The following LOC128462377 variants were observed in gnomAD, a reference collection of about 807,000 sequenced individuals.
At chr16:89,329,171 A>G in the LOC128462377 span, among the ~76,000 whole-genome samples, 1 of 152,210 alleles carries the variant, frequency 6.6e-6, no homozygotes, top group South Asian at 2.1e-4. Flanking sequence ...ACCTCGGGGA[A>G]ACAGGCGGGG....
the LOC128462377 span, among the ~76,000 whole-genome samples, chr16:89,357,840 T>C: frequency 2.6e-5 from 4 of 152,322 alleles, no homozygotes; most frequent in African/African-American, 9.6e-5. Context: ...CTGCTGAAGG[T>C]ACTGGAAGCC....
At chr16:89,345,824 C>T in the LOC128462377 span, among the ~76,000 whole-genome samples, 3 of 152,250 alleles carry the variant, frequency 2.0e-5, no homozygotes, top group South Asian at 2.1e-4. Context: ...TAGGTACAGA[C>T]TTGAGGCCAG....
At chr16:89,347,645 G>A in the LOC128462377 span, among the ~76,000 whole-genome samples, 1 of 150,544 alleles carries the variant, frequency 6.6e-6, no homozygotes, top group East Asian at 2.0e-4. Flanking sequence ...TCCAGGTTGT[G>A]AAAATGTGAC....
chr16:89,414,479 CT>C, the LOC128462377 span, among the ~76,000 whole-genome samples: 1 of 152,190 alleles, frequency 6.6e-6, no homozygotes, highest in Non-Finnish European at 1.5e-5. Context: ...AAGATGTCAG[CT>C]TCAACTACTT....
At chr16:89,393,765 C>T in the LOC128462377 span, among the ~76,000 whole-genome samples, 1 of 152,104 alleles carries the variant, frequency 6.6e-6, no homozygotes, top group Non-Finnish European at 1.5e-5. Context: ...GCCCTTCATT[C>T]TGGAATCTGG....
chr16:89,351,197 G>T, the LOC128462377 span, among the ~76,000 whole-genome samples: 1 of 152,250 alleles, frequency 6.6e-6, no homozygotes, highest in African/African-American at 2.4e-5. Flanking sequence ...AGAGGCGGCG[G>T]CGGCAGCTGG....
chr16:89,414,062 C>T, the LOC128462377 span, among the ~76,000 whole-genome samples: 5 of 152,320 alleles, frequency 3.3e-5, no homozygotes, highest in Admixed American at 3.3e-4. Context: ...GCACACCCTC[C>T]AGGATGCCAC....
chr16:89,398,314 A>G, the LOC128462377 span, among the ~76,000 whole-genome samples: 860 of 137,372 alleles, frequency 6.3e-3, 5 homozygotes, highest in African/African-American at 0.025. Flanking sequence ...CATGAGGGAC[A>G]CTGTGAAACA....
chr16:89,410,722 T>C, the LOC128462377 span, among the ~76,000 whole-genome samples: 1 of 152,262 alleles, frequency 6.6e-6, no homozygotes, highest in Non-Finnish European at 1.5e-5. Context: ...CCAAAAGCTA[T>C]GAAAGCATCC....
At chr16:89,407,147 T>G in the LOC128462377 span, among the ~76,000 whole-genome samples, 7 of 151,564 alleles carry the variant, frequency 4.6e-5, no homozygotes, top group East Asian at 1.4e-3. Context: ...GACGTGCCAC[T>G]GCACTCCAGC....
the LOC128462377 span, among the ~76,000 whole-genome samples, chr16:89,386,901 C>G: frequency 2.8e-4 from 43 of 152,258 alleles, no homozygotes; most frequent in African/African-American, 9.6e-4. Flanking sequence ...GCAAGAGACC[C>G]TGCCCCAGCT....
the LOC128462377 span, among the ~76,000 whole-genome samples, chr16:89,367,910 G>A: frequency 2.0e-5 from 3 of 152,240 alleles, no homozygotes; most frequent in Non-Finnish European, 4.4e-5. Flanking sequence ...AGGCTGAGGT[G>A]GGAGGATCAC....
At chr16:89,416,448 G>C in the LOC128462377 span, among the ~76,000 whole-genome samples, 1 of 151,986 alleles carries the variant, frequency 6.6e-6, no homozygotes, top group Non-Finnish European at 1.5e-5. Context: ...ACAGGCATTC[G>C]CCACCACGTC....
chr16:89,326,011 G>T, the LOC128462377 span, among the ~76,000 whole-genome samples: 2 of 152,232 alleles, frequency 1.3e-5, no homozygotes, highest in Non-Finnish European at 1.5e-5. Context: ...GCAACAGGGA[G>T]CTTGGAGCCT....
At chr16:89,367,311 C>A in the LOC128462377 span, among the ~76,000 whole-genome samples, 1 of 152,254 alleles carries the variant, frequency 6.6e-6, no homozygotes, top group Admixed American at 6.5e-5. Flanking sequence ...CCCAGCAGTA[C>A]CGGGAGCCCC....
the LOC128462377 span, among the ~76,000 whole-genome samples, chr16:89,334,539 A>G: frequency 1.3e-5 from 2 of 152,102 alleles, no homozygotes; most frequent in Non-Finnish European, 2.9e-5. Flanking sequence ...CACCCCACCC[A>G]TGTGGGCAGT....
the LOC128462377 span, among the ~76,000 whole-genome samples, chr16:89,331,717 T>C: frequency 6.6e-6 from 1 of 152,094 alleles, no homozygotes; most frequent in Non-Finnish European, 1.5e-5. Flanking sequence ...AACTCCTGGG[T>C]TCAAGGGATC....
chr16:89,326,940 G>C, the LOC128462377 span, among the ~76,000 whole-genome samples: 1 of 152,170 alleles, frequency 6.6e-6, no homozygotes, highest in East Asian at 1.9e-4. Context: ...CGACCAGGCG[G>C]AGACGCAGAG....
the LOC128462377 span, among the ~76,000 whole-genome samples, chr16:89,391,896 C>A: frequency 6.6e-6 from 1 of 152,256 alleles, no homozygotes; most frequent in Non-Finnish European, 1.5e-5. Context: ...TTAGCTCCCA[C>A]AATTTAGCCT....
Sources: gnomAD v4.1 joint callset for allele counts (sites outside exome capture counted in the v4.1 genomes callset) on GRCh38, gnomAD v4.1.1 for gene constraint, MANE v1.5 for transcripts.